The following TDRD1 variants were observed in gnomAD, a reference collection of about 807,000 sequenced individuals.
TDRD1 encodes the protein tudor domain containing 1, also known as tudor domain-containing protein 1.
Under a neutral mutation model 140.6 loss-of-function variants are expected in TDRD1, and 37 were observed. The ratio of observed to expected loss-of-function variants is 0.26; its 90% CI spans 0.20 to 0.35. The LOEUF is 0.35. TDRD1 is among the 10% of genes least tolerant of loss of function. TDRD1 has a pLI of 1.00. For missense variants in TDRD1, 1,243 were observed against 1,393.0 expected (o/e 0.89, Z 1.71); for synonymous variants, 506 against 475.7 (o/e 1.06, Z -0.83).
intron 3 of TDRD1, among the ~76,000 whole-genome samples, chr10:114,194,141 T>C (rs964209482): frequency 9.2e-5 from 14 of 152,188 alleles, no homozygotes; most frequent in Non-Finnish European, 2.1e-4. Context: ...TCAAGAGAGA[T>C]TTTGGTCTGT....
At chr10:114,211,554 A>G (rs1361144928) in intron 13 of TDRD1, among the ~76,000 whole-genome samples, 4 of 152,218 alleles carry the variant, frequency 2.6e-5, no homozygotes, top group Admixed American at 6.5e-5. Flanking sequence ...TGAATGCTTC[A>G]TGTATTGATT....
In TDRD1 at chr10:114,201,570, A is replaced by G. The variant is rs184829940; in HGVS notation, c.635+55A>G. The G allele has an allele frequency of 4.8e-3, 7,068 of 1,462,548 alleles. 36 individuals carry two copies. The highest frequency in any genetic ancestry group is 5.3e-3 in the Non-Finnish European group (5,559 of 1,056,808). 90.6% of individuals were successfully genotyped at this position (1,462,548 alleles called of 1,614,324 possible). On this transcript the variant is annotated intron_variant, in intron 5 of 25. Transcript: ENST00000251864. ...AGGATTATGTAAAAGGTTCTGATAC[A>G]ATAAGCGTCCAATTAGTTAAGCAGA...
In TDRD1 at chr10:114,196,479, G is replaced by A. The variant is rs949600294; in HGVS notation, c.385-2694G>A. On this transcript the variant is annotated intron_variant, in intron 3 of 25. Coordinates refer to ENST00000251864, the Ensembl canonical transcript of TDRD1. ...AAAAATGTTTTGTCACTTTCTTCTG[G>A]CCTCCATGGTCTCTAATGAGAAATC... Among the ~76,000 whole-genome samples, 4 of 151,896 alleles carry A rather than the reference G, an allele frequency of 2.6e-5. No homozygotes were observed. The South Asian group carries it at 8.3e-4, about 32-fold the overall frequency.
intron 14 of TDRD1, among the ~76,000 whole-genome samples, chr10:114,212,255 C>G (rs1344088466): frequency 6.6e-6 from 1 of 152,112 alleles, no homozygotes; most frequent in Non-Finnish European, 1.5e-5. Flanking sequence ...AAAGAATATC[C>G]TATCTCAGAG....
At chr10:114,201,371 G>T in intron 4 of TDRD1, 39 bp from the exon 5 acceptor site, 1 of 1,522,348 alleles carries the variant, frequency 6.6e-7, no homozygotes, top group Non-Finnish European at 9.1e-7. Flanking sequence ...AGAATGTCTT[G>T]ATCTTCATCT....
rs138852456 is a variant in TDRD1 at position 114,190,530 on chromosome 10, C to T, written c.326-431C>T. 5.3e-3 allele frequency among the ~76,000 whole-genome samples: 800 copies of T among 152,244 alleles called. 8 individuals carry two copies. The highest frequency in any genetic ancestry group is 0.018 in the African/African-American group (745 of 41,542). On this transcript the variant is annotated intron_variant, in intron 2 of 25. Transcript: ENST00000251864. ...CAAGACGGAGTCTCACTCTGTTGTC[C>T]GGGCTGGAATGCAGTGGCGCTATCT...
chr10:114,189,281 T>A (rs908420556), intron 2 of TDRD1, among the ~76,000 whole-genome samples: 5 of 152,206 alleles, frequency 3.3e-5, no homozygotes, highest in African/African-American at 1.2e-4. Context: ...TACTCCTGAC[T>A]TTTACCTTCT....
At chr10:114,199,903 GCT>G (rs985576651) in intron 4 of TDRD1, among the ~76,000 whole-genome samples, 3 of 152,164 alleles carry the variant, frequency 2.0e-5, no homozygotes, top group African/African-American at 7.2e-5. Flanking sequence ...TATGAATAGA[GCT>G]CTCTAAACAT....
chr10:114,189,903 A>G (rs2033834950), intron 2 of TDRD1, among the ~76,000 whole-genome samples: 2 of 152,272 alleles, frequency 1.3e-5, no homozygotes, highest in South Asian at 2.1e-4. Flanking sequence ...CGGGATAATC[A>G]GTGAATTCTA....
At position 114,206,862 on chromosome 10, in the gene TDRD1, C is replaced by T. The variant is rs137965905; in HGVS notation, c.1384+532C>T. On this transcript the variant is annotated intron_variant, in intron 11 of 25. Coordinates refer to ENST00000251864, the Ensembl canonical transcript of TDRD1. ...ACTCCTGACCTGAGAGTGATTCGCC[C>T]GCCTCAGCCTCCCAAAGTGCTGGGA... Among the ~76,000 whole-genome samples, 672 of 152,158 alleles carry T rather than the reference C, an allele frequency of 4.4e-3. 5 individuals are homozygous for T. The highest frequency in any genetic ancestry group is 0.015 in the African/African-American group (633 of 41,532).
chr10:114,206,180 C>T (rs745787284), intron 10 of TDRD1, 64 bp from the exon 11 acceptor site: 98 of 1,235,610 alleles, frequency 7.9e-5, no homozygotes, highest in Non-Finnish European at 9.5e-5. Context: ...TTCTTCTTTA[C>T]GCTTTTCCCA....
exon 26 of TDRD1, chr10:114,231,535 G>T (rs765404276): frequency 6.3e-7 from 1 of 1,583,860 alleles, no homozygotes; most frequent in Non-Finnish European, 8.6e-7. Flanking sequence ...AACAGCAAAG[G>T]CTAGCTTTAG....
chr10:114,208,315 G>A (rs1241149426), intron 11 of TDRD1, among the ~76,000 whole-genome samples: 4 of 152,208 alleles, frequency 2.6e-5, no homozygotes, highest in Non-Finnish European at 5.9e-5. Flanking sequence ...TTGGATTCAA[G>A]TAATGTTGGT....
intron 11 of TDRD1, among the ~76,000 whole-genome samples, chr10:114,210,094 T>C (rs1379502030): frequency 6.6e-6 from 1 of 152,226 alleles, no homozygotes; most frequent in Non-Finnish European, 1.5e-5. Context: ...TTCTCTTGAC[T>C]TGTGACTTTA....
rs776369341 is a variant in TDRD1, at chr10:114,220,888, GCT to G, written c.2770+49_2770+50del. On this transcript the variant is annotated intron_variant, in intron 19 of 25. Transcript: ENST00000251864. ...TATTTGTTTAAATTTGTTATTCTTT[GCT>G]CTCAGAGACTATGAAAAATTTTCCA... 7 of 1,437,288 alleles carry G rather than the reference GCT, an allele frequency of 4.9e-6. No individual in the cohort carries two copies. In the South Asian group the frequency reaches 9.0e-5, roughly 19 times the overall value. The allele number at this position is 1,437,288 out of a possible 1,614,324, so 89.0% of individuals were successfully genotyped here.
intron 1 of TDRD1, among the ~76,000 whole-genome samples, chr10:114,181,233 T>C (rs2033035790): frequency 6.6e-6 from 1 of 152,246 alleles, no homozygotes; most frequent in African/African-American, 2.4e-5. Flanking sequence ...GTTAACCTTT[T>C]ATGTTAGCTG....
intron 21 of TDRD1, among the ~76,000 whole-genome samples, chr10:114,225,216 A>G (rs1269541338): frequency 2.0e-5 from 3 of 152,260 alleles, no homozygotes; most frequent in African/African-American, 7.2e-5. Flanking sequence ...ATGGGAACAC[A>G]AAGCTCACCA....
intron 3 of TDRD1, among the ~76,000 whole-genome samples, chr10:114,198,676 T>C (rs1415208146): frequency 2.6e-5 from 4 of 152,194 alleles, no homozygotes; most frequent in African/African-American, 7.2e-5. Context: ...AGGGTCTCAC[T>C]GTGTTGGCCA....
At chr10:114,191,322 A>T (rs2033948873) in intron 3 of TDRD1, among the ~76,000 whole-genome samples, 1 of 152,170 alleles carries the variant, frequency 6.6e-6, no homozygotes. Context: ...CATTTCCATC[A>T]CTACAAGGGT....
Sources: gnomAD v4.1 joint callset for allele counts (sites outside exome capture counted in the v4.1 genomes callset) on GRCh38, gnomAD v4.1.1 for gene constraint, MANE v1.5 for transcripts, NCBI Gene and HGNC (gene_info 2026-07-23, HGNC 2026-07-21) for gene names.